The following KANSL3 variants were observed in gnomAD, a reference collection of about 807,000 sequenced individuals.
The protein encoded by KANSL3 is KAT8 regulatory NSL complex subunit 3.
A neutral mutation model predicts 89.2 loss-of-function variants in KANSL3; 16 were observed. That is an observed-to-expected ratio of 0.18 (90% confidence interval 0.12 to 0.27). KANSL3 has a LOEUF of 0.27. KANSL3 is among the 10% of genes least tolerant of loss of function. The pLI is 1.00. For missense variants in KANSL3, 879 were observed against 1,110.6 expected (o/e 0.79, Z 2.96); for synonymous variants, 385 against 419.7 (o/e 0.92, Z 1.01).
chr2:96,605,349 C>CTTCCTTGGG lies in KANSL3; in HGVS notation c.1903_1904insCCCAAGGAA (p.Cys635delinsSerGlnGlySer). On this transcript the variant is annotated protein_altering_variant, in exon 15 of 21. Transcript: ENST00000431828. ...TGGAGCACTTCCTTGGGAAGGAGCA[C>CTTCCTTGGG]AAGGCCCTCCAGCTGTGTCCCCTTG... The CTTCCTTGGG allele has an allele frequency of 6.2e-7, 1 of 1,613,024 alleles. No homozygotes were observed. The highest frequency in any genetic ancestry group is 1.8e-4 in the Middle Eastern group (1 of 5,674).
chr2:96,600,880 T>C lies in KANSL3; in HGVS notation c.2616+763A>G, dbSNP rs556954673. 10 of 985,336 alleles carry C rather than the reference T, an allele frequency of 1.0e-5. No homozygotes were observed. In the East Asian group the frequency reaches 4.5e-4, roughly 45 times the overall value. 61.0% of individuals were successfully genotyped at this position (985,336 alleles called of 1,614,324 possible). ...GGAAGGCACAGTGCTAGAAAGCCAA[T>C]GTCAAAGAAAGAGTATTATACTTGG... is the stretch of plus-strand genomic sequence containing the variant. On this transcript the variant is annotated intron_variant, in intron 20 of 20. Coordinates refer to ENST00000431828, the MANE Select transcript of KANSL3 (RefSeq NM_001115016.3).
intron 3 of KANSL3, 116 bp downstream of exon 3, chr2:96,631,196 A>G (rs1327467710): frequency 4.0e-6 from 3 of 748,976 alleles, no homozygotes; most frequent in East Asian, 5.3e-5. Context: ...GAGACTTTGG[A>G]GAACACTCTG....
At position 96,601,627 on chromosome 2, in the gene KANSL3, T is replaced by G; in HGVS notation, c.2616+16A>C. The G allele has an allele frequency of 6.2e-7, 1 of 1,612,538 alleles. No individual in the cohort carries two copies. The highest frequency in any genetic ancestry group is 8.5e-7 in the Non-Finnish European group (1 of 1,179,382). On this transcript the variant is annotated intron_variant, in intron 20 of 20. Coordinates refer to ENST00000431828, the MANE Select transcript of KANSL3 (RefSeq NM_001115016.3). ...ATAATGAAGCCCATGTCCTCAGTCCTTCCTGGCAGACTCACCTGTGAGCTG... is the reference window on the plus strand; with the variant it reads ...ATAATGAAGCCCATGTCCTCAGTCCGTCCTGGCAGACTCACCTGTGAGCTG...
At position 96,602,779 on chromosome 2, in the gene KANSL3, T is replaced by G. The variant is rs756570403; in HGVS notation, c.2233A>C (p.Asn745His). Residue 745 changes from asparagine to histidine, a missense_variant, in exon 18 of 21, where the codon AAT (asparagine) becomes CAT (histidine). Physicochemically the swap from Asn to His is moderately conservative, Grantham distance 68. Around this residue, in one of 6 missense-constraint regions of KANSL3, gnomAD observed 89 missense variants for 139.7 expected, o/e 0.64. Transcript: ENST00000431828. ...ISSKTSGLPA[N>H]PSPGPAPQAT... ...TGTGGGGCTGGTCCTGGGGAGGGAT[T>G]TGCTGGAAGGCCAGAGGTCTTGCTG... 5.0e-6 allele frequency: 8 copies of G among 1,606,596 alleles called. No homozygotes were observed. The South Asian group carries it at 8.9e-5, about 18-fold the overall frequency.
chr2:96,613,604 C>A lies in KANSL3; in HGVS notation c.679G>T (p.Asp227Tyr). The stretch of plus-strand genomic sequence containing the variant: ...GTGTTGGATGACACAAGCATCCGGT[C>A]AATCAAGGTTGGGATCTACAAAGAA... ...TLKGKIPTLIDRMLVSSNTKT... is the reference protein window; with the variant it reads ...TLKGKIPTLIYRMLVSSNTKT... The change falls in exon 6 of 21, where the codon GAC (aspartate) becomes TAC (tyrosine). Residue 227 changes from aspartate (D) to tyrosine (Y), a missense_variant. By Grantham distance (160) the Asp-to-Tyr change is radical. Coordinates refer to ENST00000431828, the MANE Select transcript of KANSL3 (RefSeq NM_001115016.3). 6.2e-7 allele frequency: 1 copy of A among 1,612,790 alleles called. No homozygotes were observed. The highest frequency in any genetic ancestry group is 1.1e-5 in the South Asian group (1 of 91,024).
chr2:96,595,510 T>G lies in KANSL3; in HGVS notation c.*101A>C. On this transcript the variant is annotated 3_prime_UTR_variant, in exon 21 of 21. Transcript: ENST00000431828. ...CAAAAATGACTGTCTTAAACAGGTC[T>G]TCCGACACGTGGACAGCTCAGCAGG... The G allele has an allele frequency of 7.6e-7, 1 of 1,313,592 alleles. No individual in the cohort carries two copies. Among genetic ancestry groups the G allele is most frequent in the Admixed American group, 2.0e-5 (1 of 49,158 alleles). 81.4% of individuals were successfully genotyped at this position (1,313,592 alleles called of 1,614,324 possible). A position where few individuals can be genotyped will look rare whatever the true frequency, so the allele number is the denominator to read the frequency against.
At chr2:96,598,004 G>T in intron 20 of KANSL3, 1 of 610,472 alleles carries the variant, frequency 1.6e-6, no homozygotes, top group Non-Finnish European at 2.1e-6. Flanking sequence ...TCCAGAAAAG[G>T]GGGATTCTCA....
At chr2:96,601,833 G>A in intron 19 of KANSL3, 57 bp from the exon 20 acceptor site, 1 of 1,497,830 alleles carries the variant, frequency 6.7e-7, no homozygotes, top group Non-Finnish European at 8.9e-7. Context: ...CTTCTACTGA[G>A]GCTTTCCTTT....
chr2:96,633,292 G>A (rs1330416391), intron 2 of KANSL3, among the ~76,000 whole-genome samples: 1 of 152,198 alleles, frequency 6.6e-6, no homozygotes, highest in East Asian at 1.9e-4. Flanking sequence ...TATTCAGGCT[G>A]GGCGTAGTGG....
At chr2:96,602,712 C>T (rs2067363247) in intron 18 of KANSL3, 41 bp downstream of exon 18, 1 of 1,504,538 alleles carries the variant, frequency 6.6e-7, no homozygotes, top group Non-Finnish European at 8.9e-7. Context: ...AGGAGGCCTC[C>T]TCCCTACACC....
the KANSL3 span, among the ~76,000 whole-genome samples, chr2:96,582,000 T>G: frequency 6.6e-6 from 1 of 152,220 alleles, no homozygotes; most frequent in Non-Finnish European, 1.5e-5. Context: ...CTTTAAAAAT[T>G]ATTTGTACAT....
chr2:96,620,771 G>C (rs1370412719), intron 3 of KANSL3, among the ~76,000 whole-genome samples: 1 of 152,218 alleles, frequency 6.6e-6, no homozygotes, highest in Admixed American at 6.5e-5. Flanking sequence ...GGGAGGCCAA[G>C]TGGAGTGGAT....
At chr2:96,600,966 G>C (rs781146799) in intron 20 of KANSL3, 28 of 828,630 alleles carry the variant, frequency 3.4e-5, no homozygotes, top group Non-Finnish European at 3.9e-5. Flanking sequence ...GCAACATAGT[G>C]AGATATCTCT....
At chr2:96,626,647 A>G (rs1322348939) in intron 3 of KANSL3, among the ~76,000 whole-genome samples, 1 of 152,206 alleles carries the variant, frequency 6.6e-6, no homozygotes, top group Admixed American at 6.5e-5. Flanking sequence ...ATTTTATTAA[A>G]TGTCTTTCAA....
chr2:96,592,620 G>C (rs1276622865), downstream of KANSL3, among the ~76,000 whole-genome samples: 1 of 152,212 alleles, frequency 6.6e-6, no homozygotes, highest in African/African-American at 2.4e-5. Context: ...GAGTAGAAAA[G>C]ACACTGACAT....
chr2:96,615,006 T>G (rs1371740136), intron 5 of KANSL3: 1 of 150,834 alleles, frequency 6.6e-6, no homozygotes, highest in Non-Finnish European at 1.5e-5. Context: ...ACAATGAATA[T>G]AATAGAATCA....
At chr2:96,612,659 C>T (rs2069213601) in intron 7 of KANSL3, 96 bp from the exon 8 acceptor site, 3 of 1,210,316 alleles carry the variant, frequency 2.5e-6, no homozygotes, top group Non-Finnish European at 2.4e-6. Context: ...TGGAATTCCA[C>T]ATGAAAGAAG....
chr2:96,592,401 G>A (rs979167862), downstream of KANSL3, among the ~76,000 whole-genome samples: 4 of 152,180 alleles, frequency 2.6e-5, no homozygotes, highest in East Asian at 1.9e-4. Context: ...TAGGAAGTGC[G>A]AAAGGATACT....
chr2:96,600,048 T>C (rs1360993805), intron 20 of KANSL3, among the ~76,000 whole-genome samples: 2 of 152,076 alleles, frequency 1.3e-5, no homozygotes, highest in Non-Finnish European at 2.9e-5. Context: ...AAAACCAAAA[T>C]AGAACCCAGC....
Sources: allele counts gnomAD v4.1 joint callset (sites outside exome capture counted in the v4.1 genomes callset), GRCh38; gene constraint gnomAD v4.1.1; regional missense constraint gnomAD v4.1.1; transcripts MANE v1.5; gene names NCBI Gene and HGNC (gene_info 2026-07-23, HGNC 2026-07-21).